The following JAK3 variants were observed in gnomAD, a reference collection of about 807,000 sequenced individuals.
The protein encoded by JAK3 is tyrosine-protein kinase JAK3.
Under a neutral mutation model 120.8 loss-of-function variants are expected in JAK3, and 88 were observed. The observed-to-expected ratio is 0.73, with a 90% CI of 0.61 to 0.87. The LOEUF is 0.87. JAK3 is among the 40% of genes least tolerant of loss of function. The pLI is 0.00. For synonymous variants in JAK3, 592 were observed against 628.6 expected (o/e 0.94, Z 0.87); for missense variants, 1,254 against 1,501.4 (o/e 0.84, Z 2.72).
intron 9 of JAK3, among the ~76,000 whole-genome samples, chr19:17,839,925 G>C (rs1443992184): frequency 6.6e-6 from 1 of 151,932 alleles, no homozygotes; most frequent in African/African-American, 2.4e-5. Flanking sequence ...ATTTTTAGTA[G>C]AGACAGGGTT....
intron 13 of JAK3, chr19:17,836,786 G>A (rs2094225125): frequency 4.3e-6 from 2 of 460,816 alleles, no homozygotes; most frequent in Non-Finnish European, 4.1e-6. Flanking sequence ...CACCCTGCCT[G>A]TCACATTCTA....
chr19:17,833,253 A>G (rs1290268041), intron 17 of JAK3, among the ~76,000 whole-genome samples: 1 of 152,222 alleles, frequency 6.6e-6, no homozygotes, highest in Non-Finnish European at 1.5e-5. Flanking sequence ...TGGACAAGAT[A>G]TGCTGGGTGC....
At chr19:17,844,211 C>G (rs763653304) in intron 2 of JAK3, 23 bp downstream of exon 2, 2 of 1,564,830 alleles carry the variant, frequency 1.3e-6, no homozygotes, top group Non-Finnish European at 1.7e-6. Context: ...CCCTCTGGCC[C>G]GATCCACTAG....
intron 8 of JAK3, 43 bp from the exon 9 acceptor site, chr19:17,840,384 G>A: frequency 7.5e-7 from 1 of 1,330,188 alleles, no homozygotes; most frequent in Non-Finnish European, 1.1e-6. Context: ...GTCAGAGATA[G>A]AAGAAGACAG....
chr19:17,841,806 C>G lies in JAK3; in HGVS notation c.862-44G>C. The G allele has an allele frequency of 1.3e-6, 2 of 1,598,184 alleles. No individual in the cohort carries two copies. The highest frequency in any genetic ancestry group is 1.7e-6 in the Non-Finnish European group (2 of 1,179,576). ...ACCGAAGTGGGGGCCCAGCTGGACC[C>G]CGCCAAACCACGCCCATGAACCCAC... is the stretch of plus-strand genomic sequence containing the variant. On this transcript the variant is annotated intron_variant, in intron 6 of 23. Transcript: ENST00000458235. The surrounding 1 kb of genome is among the most constrained non-coding windows in gnomAD (Gnocchi z 4.1).
In JAK3 at chr19:17,830,157, A is replaced by C; in HGVS notation, c.3158T>G (p.Leu1053Arg). The C allele has an allele frequency of 5.6e-6, 9 of 1,597,016 alleles. No individual in the cohort carries two copies. Among genetic ancestry groups the C allele is most frequent in the Non-Finnish European group, 7.7e-6 (9 of 1,172,890 alleles). Residue 1053 changes from leucine (L) to arginine (R), a missense_variant, in exon 23 of 24, where the codon CTG (leucine) becomes CGG (arginine). By Grantham distance (102) the Leu-to-Arg change is moderately radical (BLOSUM62 -2). Transcript: ENST00000458235. ...DVPALCRLLE[L>R]LEEGQRLPAP... ...CGGCAGCCTCTGGCCCTCCTCCAGC[A>C]GTTCCAAGAGGCGGCAGAGGGCGGG...
At chr19:17,838,202 C>T in intron 11 of JAK3, 61 bp downstream of exon 11, 8 of 1,612,760 alleles carry the variant, frequency 5.0e-6, no homozygotes, top group Admixed American at 1.7e-5. Flanking sequence ...TGCCTGAGGC[C>T]ACGCATCTGA....
Position 17,834,649 on chromosome 19 carries a change from G to A in JAK3, c.2272C>T (p.Gln758Ter), listed in dbSNP as rs2147681619. The part of the protein sequence containing the change: ...KWTELALLIQ[Q>*]CMAYEPVQRP... ...TGGACCGGCTCATAGGCCATGCACT[G>A]TTGAATCAGCAGGGCCAGCTCTGTC... is the stretch of plus-strand genomic sequence containing the variant. The change falls in exon 17 of 24, where the codon CAG becomes TAG. Residue 758 changes from glutamine to a stop codon, truncating the protein, a stop_gained. Transcript: ENST00000458235. LOFTEE classifies it high-confidence loss of function. 7 of 1,614,112 alleles carry A rather than the reference G, an allele frequency of 4.3e-6. No homozygotes were observed. The highest frequency in any genetic ancestry group is 5.9e-6 in the Non-Finnish European group (7 of 1,179,982).
rs1294215608 is a variant in JAK3, at chr19:17,832,138, T to A, written c.2681-340A>T. Among the ~76,000 whole-genome samples the A allele has an allele frequency of 6.6e-6, 1 of 152,128 alleles. No homozygotes were observed. On this transcript the variant is annotated intron_variant, in intron 19 of 23. Coordinates refer to ENST00000458235, the MANE Select transcript of JAK3 (RefSeq NM_000215.4). The surrounding 1 kb of genome is among the most constrained non-coding windows in gnomAD (Gnocchi z 4.7). ...TTAGCCGGGTGTGGTGGCACGCTCC[T>A]GTAATCCCAGCTACTCTGGAGGCTG...
Position 17,835,990 on chromosome 19 carries a change from G to A in JAK3, c.1848C>T (p.Gly616=). ...GCTTCCAGCTGGCTGGCACCAGGTG[G>A]CCACGTTTTCGCAGATACATGTCTA... ...GAIDMYLRKR[G]HLVPASWKLQ... Residue 616 remains glycine (G), a synonymous_variant, in exon 14 of 24, where the codon GGC becomes GGT. Transcript: ENST00000458235. The A allele has an allele frequency of 1.2e-6, 2 of 1,614,124 alleles. No homozygotes were observed. The highest frequency in any genetic ancestry group is 2.2e-5 in the South Asian group (2 of 91,084).
intron 23 of JAK3, among the ~76,000 whole-genome samples, chr19:17,827,717 TAAAAAAAAAAAAAA>T (rs760856974): frequency 4.8e-4 from 37 of 77,682 alleles, no homozygotes; most frequent in African/African-American, 1.6e-3. Flanking sequence ...CCATCTTAAC[TAAAAAAAAAAAAAA>T]AAAAAAAAAA....
chr19:17,826,386 A>G lies in JAK3; in HGVS notation c.*357T>C. On this transcript the variant is annotated 3_prime_UTR_variant, in exon 24 of 24. Coordinates refer to ENST00000458235, the MANE Select transcript of JAK3 (RefSeq NM_000215.4). Reference sequence around the variant, plus strand: ...GGTAACAGAGCGAGGCTCTGTCTCAAAAATAAAAATAAAAATAAAAAAAAT... The same window carrying G: ...GGTAACAGAGCGAGGCTCTGTCTCAGAAATAAAAATAAAAATAAAAAAAAT... 1 of 295,142 alleles carries G rather than the reference A, an allele frequency of 3.4e-6. No individual in the cohort carries two copies. Among genetic ancestry groups the G allele is most frequent in the Non-Finnish European group, 6.5e-6 (1 of 153,490 alleles). 18.3% of individuals were successfully genotyped at this position (295,142 alleles called of 1,614,324 possible).
rs1435749725 is a variant in JAK3 at position 17,835,206 on chromosome 19, C to G, written c.1924G>C (p.Gly642Arg). 4 of 1,613,874 alleles carry G rather than the reference C, an allele frequency of 2.5e-6. No individual in the cohort carries two copies. The highest frequency in any genetic ancestry group is 2.5e-6 in the Non-Finnish European group (3 of 1,180,022). The change falls in exon 15 of 24, where the codon GGC becomes CGC. Residue 642 changes from glycine to arginine, a missense_variant. Coordinates refer to ENST00000458235, the MANE Select transcript of JAK3 (RefSeq NM_000215.4). ...AYALNYLEDK[G>R]LPHGNVSARK... Reference sequence around the variant, plus strand: ...GCAGAGACATTGCCATGGGGCAGGCCTTTGTCCTCCTAAGGGGGCCAGACA... The same window carrying G: ...GCAGAGACATTGCCATGGGGCAGGCGTTTGTCCTCCTAAGGGGGCCAGACA...
In JAK3 at chr19:17,842,257, G is replaced by A; in HGVS notation, c.861+59C>T. 1 of 1,424,410 alleles carries A rather than the reference G, an allele frequency of 7.0e-7. No homozygotes were observed. The highest frequency in any genetic ancestry group is 9.3e-7 in the Non-Finnish European group (1 of 1,079,038). 88.2% of individuals were successfully genotyped at this position (1,424,410 alleles called of 1,614,324 possible). A position where few individuals can be genotyped will look rare whatever the true frequency, so the allele number is the denominator to read the frequency against. On this transcript the variant is annotated intron_variant, in intron 6 of 23. Transcript: ENST00000458235. This position sits in a 1 kb window ranked among gnomAD's most constrained non-coding sequence, Gnocchi z 6.4. ...GCCCCACATCCCCTACCACTCTCCG[G>A]CCCCTCCCCGAGCCCCGCCCCCACG...
chr19:17,832,927 A>G lies in JAK3; in HGVS notation c.2353T>C (p.Tyr785His), dbSNP rs1242102906. Residue 785 changes from tyrosine to histidine, a missense_variant and splice_region_variant, in exon 18 of 24, where the codon TAT (tyrosine) becomes CAT (histidine). By Grantham distance (83) the Tyr-to-His change is moderately conservative (BLOSUM62 2). Around this residue, in one of 3 missense-constraint regions of JAK3, gnomAD observed 630 missense variants for 819.8 expected, o/e 0.77. Coordinates refer to ENST00000458235, the MANE Select transcript of JAK3 (RefSeq NM_000215.4). This position sits in a 1 kb window ranked among gnomAD's most constrained non-coding sequence, Gnocchi z 4.7. ...RDLNSLISSD[Y>H]ELLSDPTPGA... ...GGTGTGGGGTCTGAGAGGAGCTCAT[A>G]GTCTGGGGTGGGGGCATGGGCAGTG... The G allele has an allele frequency of 2.5e-6, 4 of 1,613,144 alleles. No individual in the cohort carries two copies. Among genetic ancestry groups the G allele is most frequent in the Non-Finnish European group, 3.4e-6 (4 of 1,179,722 alleles).
rs201387977 is a variant in JAK3 at position 17,841,540 on chromosome 19, C to T, written c.991G>A (p.Glu331Lys). The part of the protein sequence containing the change: ...TRTDNQILEA[E>K]FPGLPEALSF... ...AGAGCCTCGGGCAGCCCTGGGAACT[C>T]GGCCTCCTGCGAGGGACAAGCGTCA... The change falls in exon 8 of 24, where the codon GAG (glutamate) becomes AAG (lysine). Residue 331 changes from glutamate to lysine, a missense_variant. Glu to Lys is a moderately conservative substitution (Grantham distance 56, BLOSUM62 1). Around this residue, in one of 3 missense-constraint regions of JAK3, gnomAD observed 486 missense variants for 503.0 expected, o/e 0.97. Coordinates refer to ENST00000458235, the MANE Select transcript of JAK3 (RefSeq NM_000215.4). The surrounding 1 kb of genome is among the most constrained non-coding windows in gnomAD (Gnocchi z 4.1). The T allele has an allele frequency of 5.7e-6, 9 of 1,590,884 alleles. No homozygotes were observed. In the East Asian group the frequency reaches 6.9e-5, roughly 12 times the overall value.
intron 21 of JAK3, among the ~76,000 whole-genome samples, chr19:17,830,854 G>A (rs1404909619): frequency 1.8e-5 from 1 of 54,498 alleles, no homozygotes; most frequent in African/African-American, 8.2e-5. Flanking sequence ...GGGCGGAGAT[G>A]GGGGCGGGGC....
chr19:17,843,398 C>CAGGACTGGCAGGTCAAGGAT lies in JAK3; in HGVS notation c.382_401dup (p.Glu135SerfsTer19). ...ACCCCACCTGGGCAAAGAGGTGCTC[C>CAGGACTGGCAGGTCAAGGAT]AGGACTGGCAGGTCAAGGATAGCAC... is the stretch of plus-strand genomic sequence containing the variant. On this transcript the variant is annotated frameshift_variant, in exon 4 of 24. Transcript: ENST00000458235. LOFTEE classifies it high-confidence loss of function. This position sits in a 1 kb window ranked among gnomAD's most constrained non-coding sequence, Gnocchi z 5.4. 2 of 1,593,624 alleles carry CAGGACTGGCAGGTCAAGGAT rather than the reference C, an allele frequency of 1.3e-6. No homozygotes were observed. Among genetic ancestry groups the CAGGACTGGCAGGTCAAGGAT allele is most frequent in the Non-Finnish European group, 1.7e-6 (2 of 1,170,560 alleles).
rs201454906 is a variant in JAK3 at position 17,843,024 on chromosome 19, C to A, written c.566+3G>T. 2.5e-6 allele frequency: 4 copies of A among 1,610,236 alleles called. No individual in the cohort carries two copies. The highest frequency in any genetic ancestry group is 3.4e-6 in the Non-Finnish European group (4 of 1,179,912). On this transcript the variant is annotated splice_donor_region_variant and intron_variant, in intron 5 of 23. Transcript: ENST00000458235. The surrounding 1 kb of genome is among the most constrained non-coding windows in gnomAD (Gnocchi z 5.4). ...GCCGTCCCCACAGCCTGGTGGCTCT[C>A]ACCTGACAGTCTTCAGCAGCTCTCC...
Sources: allele counts gnomAD v4.1 joint callset (sites outside exome capture counted in the v4.1 genomes callset), GRCh38; gene constraint gnomAD v4.1.1; regional missense constraint gnomAD v4.1.1; non-coding constraint Gnocchi (gnomAD v3.1); transcripts MANE v1.5; gene names NCBI Gene and HGNC (gene_info 2026-07-23, HGNC 2026-07-21).